The following ACSM3 variants were observed in gnomAD, a reference collection of about 807,000 sequenced individuals.
ACSM3 encodes acyl-CoA synthetase medium chain family member 3.
ACSM3 carries 61 observed loss-of-function variants against 74.1 expected under a neutral mutation model. The observed-to-expected ratio is 0.82, with a 90% confidence interval of 0.67 to 1.02. The LOEUF is 1.02. Ranked by LOEUF, ACSM3 falls within the 50% of genes least tolerant of loss-of-function variation. The pLI is 0.00. For missense variants in ACSM3, 660 were observed against 697.0 expected (o/e 0.95, Z 0.60); for synonymous variants, 213 against 241.5 (o/e 0.88, Z 1.09).
chr16:20,761,833 A>G (rs1442947605), upstream of ACSM3, among the ~76,000 whole-genome samples: 1 of 152,194 alleles, frequency 6.6e-6, no homozygotes, highest in Non-Finnish European at 1.5e-5. Flanking sequence ...TTTAACTGGT[A>G]TACAACCTTC....
intron 1 of ACSM3, among the ~76,000 whole-genome samples, chr16:20,706,194 T>C (rs923097928): frequency 6.6e-6 from 1 of 151,320 alleles, no homozygotes; most frequent in African/African-American, 2.4e-5. Flanking sequence ...GTGAAAGATA[T>C]AAATTTACAG....
chr16:20,769,684 A>G lies in ACSM3; in HGVS notation c.-51-300A>G, dbSNP rs969236912. ...CATATGGGTGTCAATAGTGCACAGT[A>G]TTCTGGAGAATGGGCTAGGACCTGA... On this transcript the variant is annotated intron_variant, in intron 1 of 13. Transcript: ENST00000289416. Among the ~76,000 whole-genome samples the G allele has an allele frequency of 4.6e-5, 7 of 152,344 alleles. 1 individual carries two copies. The East Asian group carries it at 1.3e-3, about 29-fold the overall frequency.
chr16:20,732,636 C>T (rs1031131507), intron 1 of ACSM3, among the ~76,000 whole-genome samples: 3 of 152,100 alleles, frequency 2.0e-5, no homozygotes, highest in Non-Finnish European at 4.4e-5. Context: ...CTAGTTTGAA[C>T]TAGGGGAAAG....
chr16:20,736,122 A>C (rs2079866890), intron 1 of ACSM3: 1 of 152,214 alleles, frequency 6.6e-6, no homozygotes, highest in African/African-American at 2.4e-5. Flanking sequence ...TGTCACAGAC[A>C]ATGCACAATG....
chr16:20,792,136 T>C lies in ACSM3; in HGVS notation c.1454+7T>C. 1 of 1,614,128 alleles carries C rather than the reference T, an allele frequency of 6.2e-7. No individual in the cohort carries two copies. Among genetic ancestry groups the C allele is most frequent in the Non-Finnish European group, 8.5e-7 (1 of 1,179,990 alleles). ...ATGTCATATTATCCTCTGGGTAACT[T>C]TCTTTTCCATATGTGCATATGTCTG... On this transcript the variant is annotated splice_region_variant and intron_variant, in intron 11 of 13. Coordinates refer to ENST00000289416, the MANE Select transcript of ACSM3 (RefSeq NM_005622.4).
At chr16:20,713,129 G>A (rs1645076614) in intron 1 of ACSM3, among the ~76,000 whole-genome samples, 1 of 152,086 alleles carries the variant, frequency 6.6e-6, no homozygotes, top group African/African-American at 2.4e-5. Flanking sequence ...AGTAACATTT[G>A]CTGAAACTCT....
intron 1 of ACSM3, among the ~76,000 whole-genome samples, chr16:20,683,149 C>A (rs907465685): frequency 1.3e-5 from 2 of 151,504 alleles, no homozygotes; most frequent in African/African-American, 2.4e-5. Context: ...GTGGAGTCTC[C>A]CCCTGTCACC....
At chr16:20,691,363 C>A (rs2079650120) in intron 1 of ACSM3, 4 of 531,788 alleles carry the variant, frequency 7.5e-6, no homozygotes, top group Non-Finnish European at 9.7e-6. Context: ...TTGGAAGGCA[C>A]CCCTGATTGA....
intron 5 of ACSM3, 42 bp from the exon 6 acceptor site, chr16:20,780,932 T>C: frequency 6.2e-7 from 1 of 1,612,490 alleles, no homozygotes; most frequent in Non-Finnish European, 8.5e-7. Context: ...TCTTTTATAT[T>C]TATTTTCCTA....
intron 2 of ACSM3, among the ~76,000 whole-genome samples, chr16:20,754,206 A>T (rs2080011318): frequency 6.6e-6 from 1 of 152,238 alleles, no homozygotes; most frequent in African/African-American, 2.4e-5. Flanking sequence ...AAGGAGAGGT[A>T]CTAGTTTAGA....
chr16:20,790,833 A>C lies in ACSM3; in HGVS notation c.1326+145A>C. ...GTCCTGAATAGTAATCCAAAAGACA[A>C]GAAATTGAAGAAATACCCAAATTCT... is the stretch of plus-strand genomic sequence containing the variant. On this transcript the variant is annotated intron_variant, in intron 10 of 13. Transcript: ENST00000289416. This position sits in a 1 kb window ranked among gnomAD's most constrained non-coding sequence, Gnocchi z 4.0. 6.2e-7 allele frequency: 1 copy of C among 1,614,040 alleles called. No homozygotes were observed. The highest frequency in any genetic ancestry group is 8.5e-7 in the Non-Finnish European group (1 of 1,179,950).
At chr16:20,675,932 G>A (rs927521907) in intron 1 of ACSM3, among the ~76,000 whole-genome samples, 1 of 152,184 alleles carries the variant, frequency 6.6e-6, no homozygotes, top group Non-Finnish European at 1.5e-5. Context: ...AAAGCCAAAA[G>A]TAAAAGTAAA....
At position 20,786,082 on chromosome 16, in the gene ACSM3, T is replaced by G; in HGVS notation, c.1148T>G (p.Leu383Arg). The change falls in exon 9 of 14, where the codon CTA becomes CGA. Residue 383 changes from leucine (L) to arginine (R), a missense_variant. By Grantham distance (102) the Leu-to-Arg change is moderately radical. Coordinates refer to ENST00000289416, the MANE Select transcript of ACSM3 (RefSeq NM_005622.4). ...YEGYGQTETV[L>R]ICGNFKGMKI... ...CTTTTTCTTCTTCTTAACTAGGTGC[T>G]AATCTGTGGAAATTTTAAGGGAATG... is the stretch of plus-strand genomic sequence containing the variant. 1 of 1,589,050 alleles carries G rather than the reference T, an allele frequency of 6.3e-7. No homozygotes were observed. The highest frequency in any genetic ancestry group is 8.6e-7 in the Non-Finnish European group (1 of 1,167,930).
chr16:20,690,845 G>T, intron 1 of ACSM3: 1 of 684,360 alleles, frequency 1.5e-6, no homozygotes, highest in South Asian at 2.5e-5. Flanking sequence ...GGCCAGGCTG[G>T]GAATAGAACC....
intron 12 of ACSM3, among the ~76,000 whole-genome samples, chr16:20,795,047 A>G (rs1201753564): frequency 6.6e-6 from 1 of 152,274 alleles, no homozygotes; most frequent in Non-Finnish European, 1.5e-5. Context: ...ATGTTAATGC[A>G]GCAGAGCTAG....
At chr16:20,684,779 T>C (rs1308845088) in intron 1 of ACSM3, among the ~76,000 whole-genome samples, 1 of 152,016 alleles carries the variant, frequency 6.6e-6, no homozygotes, top group Non-Finnish European at 1.5e-5. Context: ...TGCTCAAATA[T>C]GGAAAAACAT....
At chr16:20,738,256 A>T in intron 1 of ACSM3, 1 of 482,210 alleles carries the variant, frequency 2.1e-6, no homozygotes, top group African/African-American at 2.0e-5. Flanking sequence ...CCGTAACACC[A>T]TGCTGTTGTT....
chr16:20,752,645 T>A (rs1424790827), intron 2 of ACSM3, among the ~76,000 whole-genome samples: 2 of 152,152 alleles, frequency 1.3e-5, no homozygotes, highest in African/African-American at 2.4e-5. Flanking sequence ...TCGAGGGAGA[T>A]TAGATTTCAG....
chr16:20,780,899 A>C (rs762837717), intron 5 of ACSM3, 42 bp downstream of exon 5: 3 of 1,613,710 alleles, frequency 1.9e-6, no homozygotes, highest in Middle Eastern at 1.6e-4. Flanking sequence ...TCAAAACTGC[A>C]AAGATGATGA....
Sources: allele counts gnomAD v4.1 joint callset (sites outside exome capture counted in the v4.1 genomes callset), GRCh38; gene constraint gnomAD v4.1.1; non-coding constraint Gnocchi (gnomAD v3.1); transcripts MANE v1.5; gene names NCBI Gene and HGNC (gene_info 2026-07-23, HGNC 2026-07-21).